The following ANKRD30A variants were observed in gnomAD, a reference collection of about 807,000 sequenced individuals.
The protein encoded by ANKRD30A is ankyrin repeat domain-containing protein 30A.
Under a neutral mutation model 166.3 loss-of-function variants are expected in ANKRD30A, and 170 were observed. The ratio of observed to expected loss-of-function variants is 1.02; its 90% confidence interval spans 0.90 to 1.16. ANKRD30A has a LOEUF of 1.16. Among genes scored for constraint, ANKRD30A ranks in the 50% most tolerant of loss-of-function variants. The pLI is 0.00. For missense variants in ANKRD30A, 1,630 were observed against 1,518.0 expected (o/e 1.07, Z -1.23); for synonymous variants, 564 against 508.9 (o/e 1.11, Z -1.46).
At chr10:37,216,715 T>C (rs1269592869) in intron 32 of ANKRD30A, among the ~76,000 whole-genome samples, 1 of 151,338 alleles carries the variant, frequency 6.6e-6, no homozygotes, top group Non-Finnish European at 1.5e-5. Flanking sequence ...TAACTGCATG[T>C]AAAACTTTTT....
At chr10:37,210,212 G>A (rs749828581) in intron 31 of ANKRD30A, among the ~76,000 whole-genome samples, 4 of 152,054 alleles carry the variant, frequency 2.6e-5, no homozygotes, top group Non-Finnish European at 5.9e-5. Flanking sequence ...AACATGCAGT[G>A]TTTGGTTTTC....
At chr10:37,148,117 A>C (rs1198324435) in intron 9 of ANKRD30A, among the ~76,000 whole-genome samples, 4 of 152,196 alleles carry the variant, frequency 2.6e-5, no homozygotes, top group Non-Finnish European at 5.9e-5. Context: ...GTTAATACAC[A>C]GTATCATTCA....
the ANKRD30A span, among the ~76,000 whole-genome samples, chr10:37,243,134 A>T: frequency 1.4e-3 from 189 of 136,772 alleles, 2 homozygotes; most frequent in East Asian, 0.027. Flanking sequence ...TAATTTCCAA[A>T]TTTTTTTTTT....
intron 11 of ANKRD30A, among the ~76,000 whole-genome samples, chr10:37,151,792 T>G (rs1249017096): frequency 6.6e-6 from 1 of 152,120 alleles, no homozygotes; most frequent in Non-Finnish European, 1.5e-5. Flanking sequence ...GAGAAGAGGA[T>G]ATGACTGCTT....
At chr10:37,245,248 A>G in the ANKRD30A span, among the ~76,000 whole-genome samples, 14 of 152,104 alleles carry the variant, frequency 9.2e-5, no homozygotes, top group Non-Finnish European at 1.5e-5. Flanking sequence ...TTACTTGCTT[A>G]CAGAAATAAA....
chr10:37,192,607 C>A (rs1428987451), intron 25 of ANKRD30A, among the ~76,000 whole-genome samples: 1 of 152,006 alleles, frequency 6.6e-6, no homozygotes, highest in African/African-American at 2.4e-5. Flanking sequence ...AATTGAAGAA[C>A]ATAATAGCAA....
chr10:37,145,666 AG>A (rs1837451048), intron 8 of ANKRD30A, among the ~76,000 whole-genome samples: 1 of 152,198 alleles, frequency 6.6e-6, no homozygotes, highest in Non-Finnish European at 1.5e-5. Flanking sequence ...TTTGATCAAA[AG>A]CTAAAGAATT....
intron 8 of ANKRD30A, among the ~76,000 whole-genome samples, 173 bp from the exon 9 acceptor site, chr10:37,147,197 A>G (rs1416601548): frequency 1.3e-5 from 1 of 74,202 alleles, no homozygotes; most frequent in East Asian, 3.3e-4. Flanking sequence ...AAGTTTTGAT[A>G]TAGATAGCAT....
chr10:37,218,758 C>A (rs946161125), intron 33 of ANKRD30A, among the ~76,000 whole-genome samples: 2 of 150,026 alleles, frequency 1.3e-5, no homozygotes, highest in Admixed American at 6.7e-5. Flanking sequence ...CTAGTCATTT[C>A]TTTTGTACTT....
intron 19 of ANKRD30A, 133 bp downstream of exon 19, chr10:37,166,828 T>A (rs1839387827): frequency 2.1e-6 from 3 of 1,406,842 alleles, no homozygotes; most frequent in Non-Finnish European, 2.9e-6. Flanking sequence ...AGTGCAATGG[T>A]CATAAGTTAT....
intron 27 of ANKRD30A, among the ~76,000 whole-genome samples, chr10:37,193,613 A>C (rs1463666837): frequency 6.6e-6 from 1 of 152,098 alleles, no homozygotes; most frequent in Admixed American, 6.5e-5. Flanking sequence ...ATGTTTACTT[A>C]GAAGAAAGTT....
At chr10:37,166,986 AAGAC>A (rs1384009129) in intron 19 of ANKRD30A, among the ~76,000 whole-genome samples, 8 of 152,212 alleles carry the variant, frequency 5.3e-5, no homozygotes, top group South Asian at 2.1e-4. Context: ...AAGACTGAGA[AAGAC>A]AGAGCATACA....
At chr10:37,149,247 C>T (rs1411365348) in intron 9 of ANKRD30A, among the ~76,000 whole-genome samples, 1 of 152,014 alleles carries the variant, frequency 6.6e-6, no homozygotes, top group Non-Finnish European at 1.5e-5. Context: ...CTACATTCAG[C>T]TGAACTCTCA....
chr10:37,165,982 T>C (rs1839296197), intron 18 of ANKRD30A, among the ~76,000 whole-genome samples: 1 of 152,142 alleles, frequency 6.6e-6, no homozygotes, highest in Non-Finnish European at 1.5e-5. Flanking sequence ...CATTTAGATG[T>C]GACATAACTT....
chr10:37,132,349 A>C lies in ANKRD30A; in HGVS notation c.617+3A>C. The C allele has an allele frequency of 6.6e-7, 1 of 1,512,688 alleles. No individual in the cohort carries two copies. Among genetic ancestry groups the C allele is most frequent in the East Asian group, 2.3e-5 (1 of 43,014 alleles). 93.7% of individuals were successfully genotyped at this position (1,512,688 alleles called of 1,614,324 possible). ...AATGCAGTTAATAAGTATAAATGGT[A>C]TAGTAGTTCTTTTTTTATTAAAAAA... On this transcript the variant is annotated splice_donor_region_variant and intron_variant, in intron 4 of 35. Coordinates refer to ENST00000361713, the MANE Select transcript of ANKRD30A (RefSeq NM_052997.3).
At chr10:37,203,932 G>A (rs1328785174) in intron 31 of ANKRD30A, among the ~76,000 whole-genome samples, 6 of 152,076 alleles carry the variant, frequency 3.9e-5, no homozygotes, top group African/African-American at 1.2e-4. Context: ...AACTTACAAG[G>A]GATGTGAAGG....
At chr10:37,231,232 A>C (rs375944264) in intron 34 of ANKRD30A, among the ~76,000 whole-genome samples, 3 of 152,060 alleles carry the variant, frequency 2.0e-5, no homozygotes, top group Non-Finnish European at 4.4e-5. Flanking sequence ...GCAAAAAAAA[A>C]ACTTTTTGTT....
intron 34 of ANKRD30A, 82 bp from the exon 35 acceptor site, chr10:37,231,378 GT>G: frequency 2.5e-6 from 3 of 1,193,218 alleles, no homozygotes; most frequent in East Asian, 5.2e-5. Flanking sequence ...TTATAGAAGG[GT>G]TTTCTTTTTA....
At position 37,125,929 on chromosome 10, in the gene ANKRD30A, C is replaced by A. The variant is rs768697067; in HGVS notation, c.142C>A (p.Arg48=). 1 of 1,611,542 alleles carries A rather than the reference C, an allele frequency of 6.2e-7. No individual in the cohort carries two copies. The highest frequency in any genetic ancestry group is 1.7e-5 in the Admixed American group (1 of 60,020). The part of the protein sequence containing the change: ...DLRKIHKAAS[R]GQVRKLEKMT... ...TAGAAAGATCCATAAAGCTGCCTCC[C>A]GGGGACAAGTCCGGAAGCTGGAGAA... Residue 48 remains arginine (R), a synonymous_variant, in exon 1 of 36, where the codon CGG becomes AGG. Coordinates refer to ENST00000361713, the MANE Select transcript of ANKRD30A (RefSeq NM_052997.3).
Sources: allele counts gnomAD v4.1 joint callset (sites outside exome capture counted in the v4.1 genomes callset), GRCh38; gene constraint gnomAD v4.1.1; transcripts MANE v1.5; gene names NCBI Gene and HGNC (gene_info 2026-07-23, HGNC 2026-07-21).